SEM1: variants seen among roughly 807,000 people sequenced by gnomAD.
SEM1 encodes SEM1 26S proteasome subunit.
In SEM1, 3 loss-of-function variants were observed where a neutral mutation model predicts 12.7. The ratio of observed to expected loss-of-function variants is 0.24; its 90% confidence interval spans 0.11 to 0.61. SEM1 has a LOEUF of 0.61. Among genes scored for constraint, SEM1 ranks in the 20% least tolerant of loss-of-function variants. SEM1 has a pLI of 0.88. For synonymous variants in SEM1, 30 were observed against 27.8 expected (o/e 1.08, Z -0.25); for missense variants, 59 against 81.3 (o/e 0.73, Z 1.06).
chr7:96,631,272 C>T (rs370660176), intron 2 of SEM1, among the ~76,000 whole-genome samples: 2 of 152,312 alleles, frequency 1.3e-5, no homozygotes, highest in African/African-American at 4.8e-5. Flanking sequence ...GGTGGCAAGG[C>T]TTGCGGGGAA....
At chr7:96,627,602 TCA>T (rs1013560242) in intron 2 of SEM1, among the ~76,000 whole-genome samples, 1 of 152,126 alleles carries the variant, frequency 6.6e-6, no homozygotes, top group African/African-American at 2.4e-5. Context: ...TTATTGATTT[TCA>T]GTTTTATTCC....
chr7:96,531,538 G>T (rs974955014), intron 2 of SEM1, among the ~76,000 whole-genome samples: 6 of 151,360 alleles, frequency 4.0e-5, no homozygotes, highest in Non-Finnish European at 7.4e-5. Flanking sequence ...GGCCCAGAAG[G>T]TCAAGACTGC....
intron 2 of SEM1, among the ~76,000 whole-genome samples, chr7:96,631,091 C>T (rs951715771): frequency 6.6e-6 from 1 of 151,962 alleles, no homozygotes; most frequent in African/African-American, 2.4e-5. Flanking sequence ...AGCTGTGCAG[C>T]CTGGGGTTAG....
chr7:96,699,497 T>C (rs1351026217), intron 1 of SEM1, among the ~76,000 whole-genome samples: 2 of 152,358 alleles, frequency 1.3e-5, no homozygotes, highest in South Asian at 2.1e-4. Context: ...AAGTCCAAAC[T>C]GGTCAGAGGC....
intron 2 of SEM1, among the ~76,000 whole-genome samples, chr7:96,617,070 T>C (rs1563084538): frequency 6.6e-6 from 1 of 152,156 alleles, no homozygotes. Context: ...ATGTTTTTTC[T>C]AATTCTCTGA....
At chr7:96,581,635 C>A (rs972546598) in intron 2 of SEM1, among the ~76,000 whole-genome samples, 5 of 152,152 alleles carry the variant, frequency 3.3e-5, no homozygotes, top group Non-Finnish European at 7.3e-5. Context: ...TTTCTATCCT[C>A]TTTTATTTCC....
intron 2 of SEM1, among the ~76,000 whole-genome samples, chr7:96,570,114 A>G (rs1236253327): frequency 6.6e-6 from 1 of 151,926 alleles, no homozygotes; most frequent in African/African-American, 2.4e-5. Flanking sequence ...ATTTTCCATA[A>G]AGACTGTACT....
chr7:96,707,564 A>C (rs955802113), intron 1 of SEM1, among the ~76,000 whole-genome samples: 10 of 152,260 alleles, frequency 6.6e-5, no homozygotes, highest in African/African-American at 2.4e-4. Flanking sequence ...GAGACCCATA[A>C]ATGGTCAATT....
chr7:96,541,443 G>GTTTTTTTTTTTTT (rs61049763), intron 2 of SEM1, among the ~76,000 whole-genome samples: 3 of 102,404 alleles, frequency 2.9e-5, no homozygotes, highest in African/African-American at 1.1e-4. Context: ...TTTTTTTTTT[G>GTTTTTTTTTTTTT]TTTTTTTTTT....
chr7:96,521,716 C>T (rs1487465510), intron 2 of SEM1, among the ~76,000 whole-genome samples: 2 of 152,100 alleles, frequency 1.3e-5, no homozygotes, highest in African/African-American at 2.4e-5. Flanking sequence ...CCCCTGGAGT[C>T]ACATGGAATG....
At chr7:96,673,191 C>CG (rs1388079262), downstream of SEM1, 2 of 152,210 alleles carry the variant, frequency 1.3e-5, no homozygotes, top group East Asian at 3.9e-4. Flanking sequence ...TCTCGGCTCA[C>CG]GGCAACCTCC....
chr7:96,542,610 T>G (rs1253952437), intron 2 of SEM1, among the ~76,000 whole-genome samples: 2 of 151,884 alleles, frequency 1.3e-5, no homozygotes, highest in Non-Finnish European at 2.9e-5. Context: ...ATGATATAAT[T>G]TAATCTCAGT....
In SEM1 at chr7:96,603,526, C is replaced by T. The variant is rs1807253336; in HGVS notation, c.170+91272G>A. Among the ~76,000 whole-genome samples the T allele has an allele frequency of 1.3e-5, 2 of 152,124 alleles. 1 individual carries two copies. The highest frequency in any genetic ancestry group is 2.9e-5 in the Non-Finnish European group (2 of 68,016). On this transcript the variant is annotated intron_variant and NMD_transcript_variant, in intron 2 of 3. Transcript: ENST00000466986. ...GGAATCTACCTCCCTACTCCCCACC[C>T]AACCTCCTCCCTGAGAAAATATCAT... is the stretch of plus-strand genomic sequence containing the variant.
chr7:96,536,200 G>C (rs1316162519), intron 2 of SEM1, among the ~76,000 whole-genome samples: 1 of 151,808 alleles, frequency 6.6e-6, no homozygotes, highest in Admixed American at 6.6e-5. Flanking sequence ...ATTTAGAAGT[G>C]TGTGACTTAA....
chr7:96,694,973 GAACACTCACAA>G, intron 1 of SEM1, 82 bp from the exon 2 acceptor site: 3 of 956,120 alleles, frequency 3.1e-6, no homozygotes, highest in Non-Finnish European at 4.9e-6. Context: ...GCTTGCTACT[GAACACTCACAA>G]TTCAAAAACA....
chr7:96,611,044 G>A (rs1807525047), intron 2 of SEM1, among the ~76,000 whole-genome samples: 1 of 152,084 alleles, frequency 6.6e-6, no homozygotes, highest in Non-Finnish European at 1.5e-5. Context: ...GACTCATAGA[G>A]GAAATTAGAA....
At position 96,709,845 on chromosome 7, in the gene SEM1, C is replaced by A. The variant is rs971754234; in HGVS notation, c.-82G>T. 3.9e-6 allele frequency: 5 copies of A among 1,284,086 alleles called. No individual in the cohort carries two copies. The highest frequency in any genetic ancestry group is 3.5e-5 in the Admixed American group (2 of 57,862). 79.5% of individuals were successfully genotyped at this position (1,284,086 alleles called of 1,614,324 possible). A position where few individuals can be genotyped will look rare whatever the true frequency, so the allele number is the denominator to read the frequency against. On this transcript the variant is annotated 5_prime_UTR_variant, in exon 1 of 3. Coordinates refer to ENST00000248566, the MANE Select transcript of SEM1 (RefSeq NM_006304.2). Reference sequence around the variant, plus strand: ...CTTCCTCAAGGAAACGCCACCGTCACTACCGCCTCCGACGCTGACGCTACC... The same window carrying A: ...CTTCCTCAAGGAAACGCCACCGTCAATACCGCCTCCGACGCTGACGCTACC...
chr7:96,621,264 A>G (rs1369693371), downstream of SEM1, among the ~76,000 whole-genome samples: 3 of 152,218 alleles, frequency 2.0e-5, no homozygotes, highest in Non-Finnish European at 4.4e-5. Context: ...ATTAAGCAAT[A>G]TCAAACACTC....
At chr7:96,646,709 T>G (rs1406863947) in intron 2 of SEM1, among the ~76,000 whole-genome samples, 2 of 152,184 alleles carry the variant, frequency 1.3e-5, no homozygotes, top group African/African-American at 4.8e-5. Flanking sequence ...AACACAACTT[T>G]AAGATACTTG....
Sources: gnomAD v4.1 joint callset for allele counts (sites outside exome capture counted in the v4.1 genomes callset) on GRCh38, gnomAD v4.1.1 for gene constraint, MANE v1.5 for transcripts, NCBI Gene and HGNC (gene_info 2026-07-23, HGNC 2026-07-21) for gene names.